The following LRP1B variants were observed in gnomAD, a reference collection of about 807,000 sequenced individuals.
LRP1B encodes the protein low-density lipoprotein receptor-related protein 1B.
Under a neutral mutation model 556.6 loss-of-function variants are expected in LRP1B, and 217 were observed. That is an observed-to-expected ratio of 0.39 (90% CI 0.35 to 0.44). LRP1B has a LOEUF of 0.44. Ranked by LOEUF, LRP1B falls within the 20% of genes least tolerant of loss-of-function variation. LRP1B has a pLI of 1.00. For missense variants in LRP1B, 5,053 were observed against 5,620.8 expected (o/e 0.90, Z 3.23); for synonymous variants, 2,047 against 1,865.8 (o/e 1.10, Z -2.50).
At chr2:140,999,473 C>G (rs561513407) in intron 15 of LRP1B, among the ~76,000 whole-genome samples, 2 of 152,124 alleles carry the variant, frequency 1.3e-5, no homozygotes, top group Admixed American at 1.3e-4. Flanking sequence ...CACATGTGTA[C>G]CACCATGATA....
At chr2:140,627,692 T>C (rs1374930729) in intron 41 of LRP1B, among the ~76,000 whole-genome samples, 1 of 152,120 alleles carries the variant, frequency 6.6e-6, no homozygotes, top group Admixed American at 6.6e-5. Context: ...ATTAGTCCTA[T>C]CCCTCTAGAG....
intron 1 of LRP1B, among the ~76,000 whole-genome samples, chr2:142,017,162 C>T (rs1703174612): frequency 6.6e-6 from 1 of 151,778 alleles, no homozygotes; most frequent in African/African-American, 2.4e-5. Flanking sequence ...AATATAAAGA[C>T]AAAAAATTGA....
chr2:141,765,980 T>C (rs1694720258), intron 2 of LRP1B, among the ~76,000 whole-genome samples: 1 of 152,310 alleles, frequency 6.6e-6, no homozygotes, highest in Middle Eastern at 3.4e-3. Flanking sequence ...GAGCCAAATA[T>C]CTACTGTAAA....
intron 3 of LRP1B, among the ~76,000 whole-genome samples, chr2:141,366,733 T>C (rs1689048823): frequency 6.6e-6 from 1 of 152,194 alleles, no homozygotes; most frequent in Non-Finnish European, 1.5e-5. Flanking sequence ...TACTTTTTTC[T>C]CAAATGTCTT....
chr2:140,267,320 T>C (rs929482764), intron 86 of LRP1B, among the ~76,000 whole-genome samples: 3 of 151,970 alleles, frequency 2.0e-5, no homozygotes, highest in African/African-American at 7.2e-5. Flanking sequence ...GAATGCAGTA[T>C]AGTCATCTTC....
intron 3 of LRP1B, among the ~76,000 whole-genome samples, chr2:141,440,181 G>A (rs1169044067): frequency 2.0e-5 from 3 of 152,212 alleles, no homozygotes; most frequent in African/African-American, 7.2e-5. Flanking sequence ...TGGACTAAGT[G>A]GTTTGAGCAA....
chr2:141,112,782 C>T (rs186384055), intron 7 of LRP1B, among the ~76,000 whole-genome samples: 122 of 152,216 alleles, frequency 8.0e-4, no homozygotes, highest in African/African-American at 2.7e-3. Flanking sequence ...AATGGAACTA[C>T]TGCAAATAAT....
intron 11 of LRP1B, among the ~76,000 whole-genome samples, chr2:141,044,717 G>A (rs1235533926): frequency 6.6e-6 from 1 of 150,662 alleles, no homozygotes; most frequent in Admixed American, 6.6e-5. Context: ...AAACCACAAT[G>A]AGATACCATC....
intron 2 of LRP1B, among the ~76,000 whole-genome samples, chr2:141,768,562 G>T (rs755049364): frequency 3.5e-4 from 54 of 152,166 alleles, no homozygotes; most frequent in Non-Finnish European, 6.5e-4. Context: ...GTTAAAGAAT[G>T]GTTACCATTT....
At chr2:141,797,146 C>CATATATATATATATATATATAT (rs6146945) in intron 2 of LRP1B, among the ~76,000 whole-genome samples, 1 of 79,092 alleles carries the variant, frequency 1.3e-5, no homozygotes, top group Non-Finnish European at 2.4e-5. Context: ...TGAAAATAAT[C>CATATATATATATATATATATAT]ATATATATAT....
chr2:140,851,589 CTAATATAATT>C, intron 28 of LRP1B, 53 bp downstream of exon 28: 1 of 1,555,204 alleles, frequency 6.4e-7, no homozygotes, highest in Non-Finnish European at 8.7e-7. Flanking sequence ...AATCTGAATG[CTAATATAATT>C]TGAGAGAATT....
chr2:140,654,339 T>C (rs1032089186), intron 41 of LRP1B, among the ~76,000 whole-genome samples: 1 of 152,136 alleles, frequency 6.6e-6, no homozygotes, highest in Non-Finnish European at 1.5e-5. Context: ...GAGCAAATTA[T>C]GACATTAACA....
At chr2:141,193,131 A>C (rs895587803) in intron 6 of LRP1B, among the ~76,000 whole-genome samples, 23 of 151,960 alleles carry the variant, frequency 1.5e-4, no homozygotes, top group Non-Finnish European at 2.9e-5. Flanking sequence ...CACATTGTCG[A>C]TGGGATCGTA....
chr2:141,034,542 C>T (rs4608462), intron 11 of LRP1B, among the ~76,000 whole-genome samples: 73,013 of 151,762 alleles, frequency 0.48, 19,122 homozygotes, highest in Non-Finnish European at 0.58. Flanking sequence ...AAAAAGTGGG[C>T]GAAGGATATG....
chr2:140,303,708 T>C (rs1168650407), intron 83 of LRP1B, among the ~76,000 whole-genome samples: 1 of 152,122 alleles, frequency 6.6e-6, no homozygotes, highest in Non-Finnish European at 1.5e-5. Flanking sequence ...GTGCACAACA[T>C]GCGGGTTTGT....
chr2:141,717,087 T>C (rs1250651790), intron 2 of LRP1B, among the ~76,000 whole-genome samples: 1 of 152,164 alleles, frequency 6.6e-6, no homozygotes, highest in Non-Finnish European at 1.5e-5. Context: ...TTGATTCCAC[T>C]TTTATTTTTC....
At chr2:140,338,260 A>C (rs1414943843) in intron 77 of LRP1B, among the ~76,000 whole-genome samples, 1 of 151,844 alleles carries the variant, frequency 6.6e-6, no homozygotes, top group East Asian at 1.9e-4. Context: ...TTATGATATC[A>C]TAAATGACAA....
At chr2:141,293,385 G>T (rs1200874767) in intron 3 of LRP1B, among the ~76,000 whole-genome samples, 1 of 152,148 alleles carries the variant, frequency 6.6e-6, no homozygotes, top group Non-Finnish European at 1.5e-5. Flanking sequence ...TATGCCATTT[G>T]CCCTCTCTCA....
chr2:140,932,622 C>T (rs529191705), intron 20 of LRP1B, among the ~76,000 whole-genome samples: 1 of 151,972 alleles, frequency 6.6e-6, no homozygotes. Flanking sequence ...CCTTTAATTA[C>T]AGTGCTTTGG....
Sources: allele counts gnomAD v4.1 joint callset (sites outside exome capture counted in the v4.1 genomes callset), GRCh38; gene constraint gnomAD v4.1.1; transcripts MANE v1.5; gene names NCBI Gene and HGNC (gene_info 2026-07-23, HGNC 2026-07-21).